Variants in HPCAL1 observed in about 807,000 individuals in gnomAD.
HPCAL1 encodes hippocalcin-like protein 1.
HPCAL1 carries 8 observed loss-of-function variants against 17.1 expected under a neutral mutation model. That is an observed-to-expected ratio of 0.47 (90% CI 0.27 to 0.84). The LOEUF (loss-of-function observed/expected upper bound fraction) is 0.84. Ranked by LOEUF, HPCAL1 falls within the 40% of genes least tolerant of loss-of-function variation. The pLI is 0.13. For synonymous variants in HPCAL1, 112 were observed against 111.4 expected (o/e 1.01, Z -0.03); for missense variants, 165 against 271.1 (o/e 0.61, Z 2.75).
intron 1 of HPCAL1, among the ~76,000 whole-genome samples, chr2:10,386,619 T>C (rs1019642040): frequency 2.0e-5 from 3 of 152,108 alleles, no homozygotes; most frequent in Non-Finnish European, 4.4e-5. Context: ...CTGGGTGAGA[T>C]TGAGGACTCA....
In HPCAL1 at chr2:10,365,425, CG is replaced by C; in HGVS notation, c.-110-31408del. ...GCAGACGAGGTGCCAGCTATTTGAA[CG>C]GACAGCCCGGAGTCTGTGCAGGAGT... On this transcript the variant is annotated intron_variant, in intron 1 of 4. Transcript: ENST00000307845. This position sits in a 1 kb window ranked among gnomAD's most constrained non-coding sequence, Gnocchi z 4.8. Among the ~76,000 whole-genome samples the C allele has an allele frequency of 1.3e-5, 2 of 152,294 alleles. No homozygotes were observed. The highest frequency in any genetic ancestry group is 6.8e-3 in the Middle Eastern group (2 of 294).
chr2:10,346,078 G>A (rs977216596), intron 1 of HPCAL1, among the ~76,000 whole-genome samples: 13 of 152,182 alleles, frequency 8.5e-5, no homozygotes, highest in Non-Finnish European at 2.9e-5. Context: ...CAGGCTGTGT[G>A]TGTGTGTGTA....
intron 2 of HPCAL1, among the ~76,000 whole-genome samples, chr2:10,406,773 G>A (rs780180020): frequency 4.6e-5 from 7 of 152,248 alleles, no homozygotes; most frequent in South Asian, 2.1e-4. Flanking sequence ...AGGGACAGAC[G>A]TACATGGGTC....
intron 1 of HPCAL1, among the ~76,000 whole-genome samples, chr2:10,305,005 C>G (rs564788031): frequency 6.6e-6 from 1 of 152,232 alleles, no homozygotes; most frequent in South Asian, 2.1e-4. Flanking sequence ...TGGTCCGGTT[C>G]CTTTGGTTTC....
intron 4 of HPCAL1, chr2:10,424,561 C>T (rs746948197): frequency 1.3e-5 from 6 of 470,976 alleles, no homozygotes; most frequent in East Asian, 1.4e-4. Context: ...ACTCGCTGCC[C>T]GAATCTGCCT....
intron 1 of HPCAL1, among the ~76,000 whole-genome samples, chr2:10,372,083 C>G (rs1667247412): frequency 6.6e-6 from 1 of 152,274 alleles, no homozygotes; most frequent in Admixed American, 6.5e-5. Context: ...AAACACGTTG[C>G]TTACACGTTG....
chr2:10,423,197 C>A (rs2148043298), intron 4 of HPCAL1, 109 bp downstream of exon 4: 1 of 774,964 alleles, frequency 1.3e-6, no homozygotes, highest in Non-Finnish European at 2.2e-6. Context: ...CTGAGGGCCA[C>A]CCCCGCCCGC....
At chr2:10,411,330 C>G (rs1490817484) in intron 2 of HPCAL1, among the ~76,000 whole-genome samples, 1 of 152,148 alleles carries the variant, frequency 6.6e-6, no homozygotes, top group Non-Finnish European at 1.5e-5. Flanking sequence ...AGCCCACCAC[C>G]CCACCGAAGC....
chr2:10,356,353 C>T (rs1214415165), intron 1 of HPCAL1, among the ~76,000 whole-genome samples: 8 of 152,146 alleles, frequency 5.3e-5, no homozygotes, highest in African/African-American at 1.9e-4. Context: ...CCCCTTTTGC[C>T]TGAGGGACTG....
At chr2:10,360,336 T>C (rs1387901775) in intron 1 of HPCAL1, among the ~76,000 whole-genome samples, 1 of 152,082 alleles carries the variant, frequency 6.6e-6, no homozygotes, top group Non-Finnish European at 1.5e-5. Context: ...ACAAAGCGAA[T>C]GAGCTCAAAT....
rs1294318870 is a variant in HPCAL1 at position 10,367,093 on chromosome 2, G to T, written c.-110-29742G>T. ...CCCTCCAGATGGCCCAAGAGAGACC[G>T]GGAGGAGCATCTGGTGGAGGACCTG... On this transcript the variant is annotated intron_variant, in intron 1 of 4. Transcript: ENST00000307845. The surrounding 1 kb of genome is among the most constrained non-coding windows in gnomAD (Gnocchi z 4.4). 6.6e-6 allele frequency among the ~76,000 whole-genome samples: 1 copy of T among 152,014 alleles called. No individual in the cohort carries two copies. Among genetic ancestry groups the T allele is most frequent in the Non-Finnish European group, 1.5e-5 (1 of 68,008 alleles).
At chr2:10,376,169 G>A (rs1055062138) in intron 1 of HPCAL1, among the ~76,000 whole-genome samples, 1 of 152,282 alleles carries the variant, frequency 6.6e-6, no homozygotes, top group East Asian at 1.9e-4. Flanking sequence ...CTGGCACCAC[G>A]CTTCCTGTAC....
chr2:10,417,340 G>A (rs1353216844), intron 2 of HPCAL1, among the ~76,000 whole-genome samples: 4 of 150,646 alleles, frequency 2.7e-5, no homozygotes, highest in Admixed American at 6.6e-5. Context: ...TCCAACCTGG[G>A]TGACAAGAGC....
intron 1 of HPCAL1, among the ~76,000 whole-genome samples, chr2:10,318,682 G>A (rs1211982114): frequency 1.3e-5 from 2 of 152,208 alleles, no homozygotes; most frequent in African/African-American, 4.8e-5. Context: ...GGCCCCAAGT[G>A]CCACGGGCTT....
At position 10,399,525 on chromosome 2, in the gene HPCAL1, G is replaced by GCCA. The variant is rs1558518697; in HGVS notation, c.-25+2607_-25+2609dup. ...CATCACCACCACCGCCGCCACCACC[G>GCCA]CCACTGCCACCGCCACCATCACCGC... On this transcript the variant is annotated intron_variant, in intron 2 of 4. Coordinates refer to ENST00000307845, the MANE Select transcript of HPCAL1 (RefSeq NM_002149.4). 6.5e-3 allele frequency among the ~76,000 whole-genome samples: 471 copies of GCCA among 72,306 alleles called. 6 individuals are homozygous for GCCA. The highest frequency in any genetic ancestry group is 9.2e-3 in the African/African-American group (163 of 17,742). The allele number at this position is 72,306 out of a possible 152,430, so 47.4% of individuals were successfully genotyped here.
intron 1 of HPCAL1, among the ~76,000 whole-genome samples, chr2:10,388,336 G>A (rs1162374029): frequency 1.3e-5 from 2 of 152,248 alleles, no homozygotes; most frequent in Non-Finnish European, 2.9e-5. Context: ...GCCTGAGAAG[G>A]TCAGTGGCAT....
chr2:10,353,257 G>A (rs562240516), intron 1 of HPCAL1, among the ~76,000 whole-genome samples: 13 of 152,144 alleles, frequency 8.5e-5, no homozygotes, highest in Non-Finnish European at 1.9e-4. Flanking sequence ...GTTGCGCATG[G>A]GACCTACTAT....
At chr2:10,341,642 G>A (rs1481310321) in intron 1 of HPCAL1, among the ~76,000 whole-genome samples, 2 of 152,068 alleles carry the variant, frequency 1.3e-5, no homozygotes, top group African/African-American at 2.4e-5. Context: ...AACACGAGCC[G>A]TGGGCCTTTC....
In HPCAL1 at chr2:10,330,349, C is replaced by T. The variant is rs1343174365; in HGVS notation, c.-111+27172C>T. 1.3e-5 allele frequency: 2 copies of T among 152,246 alleles called. No individual in the cohort carries two copies. The highest frequency in any genetic ancestry group is 2.9e-5 in the Non-Finnish European group (2 of 68,066). The allele number at this position is 152,246 out of a possible 1,614,324, so 9.4% of individuals were successfully genotyped here. On this transcript the variant is annotated intron_variant, in intron 1 of 4. Coordinates refer to ENST00000307845, the MANE Select transcript of HPCAL1 (RefSeq NM_002149.4). The surrounding 1 kb of genome is among the most constrained non-coding windows in gnomAD (Gnocchi z 4.2). ...CTCATAGGAGAGTGGCGAAGGGCAGCAGCTTTGGAGCAAGGGCCACCCTGC... is the reference window on the plus strand; with the variant it reads ...CTCATAGGAGAGTGGCGAAGGGCAGTAGCTTTGGAGCAAGGGCCACCCTGC...
Sources: allele counts gnomAD v4.1 joint callset (sites outside exome capture counted in the v4.1 genomes callset), GRCh38; gene constraint gnomAD v4.1.1; non-coding constraint Gnocchi (gnomAD v3.1); transcripts MANE v1.5; gene names NCBI Gene and HGNC (gene_info 2026-07-23, HGNC 2026-07-21).